PNPT1: variants seen among roughly 807,000 people sequenced by gnomAD.
PNPT1 encodes polyribonucleotide nucleotidyltransferase 1.
Under a neutral mutation model 119.5 loss-of-function variants are expected in PNPT1, and 53 were observed. The observed-to-expected ratio is 0.44, with a 90% confidence interval of 0.36 to 0.56. The LOEUF is 0.56. Among genes scored for constraint, PNPT1 ranks in the 20% least tolerant of loss-of-function variants. PNPT1 has a pLI of 0.00. For missense variants in PNPT1, 948 were observed against 938.5 expected, an observed-to-expected ratio of 1.01 and a Z score of -0.13; for synonymous variants, 357 against 322.1, an observed-to-expected ratio of 1.11 and a Z score of -1.16.
intron 14 of PNPT1, among the ~76,000 whole-genome samples, chr2:55,660,538 T>C (rs1696531380): frequency 6.6e-6 from 1 of 152,214 alleles, no homozygotes; most frequent in Non-Finnish European, 1.5e-5. Flanking sequence ...ATCTCAGAGC[T>C]ACAATGCTTC....
chr2:55,658,693 C>G (rs1696467845), intron 15 of PNPT1, among the ~76,000 whole-genome samples: 1 of 152,156 alleles, frequency 6.6e-6, no homozygotes, highest in African/African-American at 2.4e-5. Flanking sequence ...TGACAAAGAA[C>G]CTGCTTTACT....
At position 55,693,692 on chromosome 2, in the gene PNPT1, A is replaced by C. The variant is rs751582727; in HGVS notation, c.132T>G (p.Ser44=). Residue 44 remains serine (S), a synonymous_variant, in exon 1 of 28, where the codon TCT becomes TCG. Transcript: ENST00000447944. ...QVRALWSSAG[S]RAVAVDLGNR... ...TGCCTAAGTCCACGGCCACAGCTCG[A>C]GACCCTGCGCTACTCCATAGTGCTC... 5.0e-6 allele frequency: 8 copies of C among 1,614,128 alleles called. No individual in the cohort carries two copies. The highest frequency in any genetic ancestry group is 1.7e-5 in the Admixed American group (1 of 60,006).
At chr2:55,681,899 T>C (rs2104161825) in intron 5 of PNPT1, among the ~76,000 whole-genome samples, 1 of 149,616 alleles carries the variant, frequency 6.7e-6, no homozygotes, top group East Asian at 2.0e-4. Flanking sequence ...CCCAGCATGT[T>C]GGGAGGCTGA....
Position 55,667,968 on chromosome 2 carries a change from A to C in PNPT1, c.977-10T>G. The C allele has an allele frequency of 5.7e-6, 9 of 1,572,580 alleles. No individual in the cohort carries two copies. The highest frequency in any genetic ancestry group is 7.7e-6 in the Non-Finnish European group (9 of 1,167,364). ...GCTTCTGGAAATTTTTCTATAGAAAAAAGACAAACCAAAACAAAGATTTTT... is the reference window on the plus strand; with the variant it reads ...GCTTCTGGAAATTTTTCTATAGAAACAAGACAAACCAAAACAAAGATTTTT... On this transcript the variant is annotated splice_polypyrimidine_tract_variant and intron_variant, in intron 11 of 27. Coordinates refer to ENST00000447944, the MANE Select transcript of PNPT1 (RefSeq NM_033109.5).
rs1256304661 is a variant in PNPT1, at chr2:55,662,015, G to A, written c.1188C>T (p.Thr396=). 12 of 1,566,240 alleles carry A rather than the reference G, an allele frequency of 7.7e-6. No homozygotes were observed. Among genetic ancestry groups the A allele is most frequent in the Middle Eastern group, 1.7e-4 (1 of 5,922 alleles). Residue 396 remains threonine (T), a synonymous_variant, in exon 14 of 28, where the codon ACC becomes ACT. Transcript: ENST00000447944. ...FQRGQTQVLC[T]VTFDSLESGI... ...CAGATTCTAATGAATCAAATGTAAC[G>A]GTACAAAGCACCTAAAAAAGAAAAA...
intron 18 of PNPT1, among the ~76,000 whole-genome samples, chr2:55,650,432 C>A (rs760482899): frequency 6.6e-6 from 1 of 152,214 alleles, no homozygotes; most frequent in Admixed American, 6.5e-5. Context: ...GACGGAGTCT[C>A]GTTCACTCCA....
intron 3 of PNPT1, among the ~76,000 whole-genome samples, chr2:55,685,885 A>G (rs1373765591): frequency 6.6e-6 from 1 of 152,206 alleles, no homozygotes; most frequent in Non-Finnish European, 1.5e-5. Flanking sequence ...ATAATCCTTA[A>G]TACAATGTAA....
intron 25 of PNPT1, among the ~76,000 whole-genome samples, chr2:55,641,459 G>C (rs977223486): frequency 2.0e-5 from 3 of 151,544 alleles, no homozygotes; most frequent in Non-Finnish European, 4.4e-5. Flanking sequence ...AGTAGAGATG[G>C]GGTTTCACGA....
chr2:55,670,106 T>C (rs950429339), intron 11 of PNPT1, among the ~76,000 whole-genome samples: 2 of 151,680 alleles, frequency 1.3e-5, no homozygotes, highest in African/African-American at 4.8e-5. Flanking sequence ...TATTTGTCTA[T>C]TAGAAAAATT....
rs559702823 is a variant in PNPT1 at position 55,642,245 on chromosome 2, G to T, written c.2069+913C>A. 2.0e-5 allele frequency among the ~76,000 whole-genome samples: 3 copies of T among 151,982 alleles called. No individual in the cohort carries two copies. The South Asian group carries it at 6.2e-4, about 32-fold the overall frequency. Reference sequence around the variant, plus strand: ...AAGAAATATTGCTAAGTCTATTTTGGGCCTATTTAATATTTACTGGGAAAA... The same window carrying T: ...AAGAAATATTGCTAAGTCTATTTTGTGCCTATTTAATATTTACTGGGAAAA... On this transcript the variant is annotated intron_variant, in intron 25 of 27. Transcript: ENST00000447944.
intron 4 of PNPT1, among the ~76,000 whole-genome samples, chr2:55,684,373 C>A (rs1370044166): frequency 6.6e-6 from 1 of 151,958 alleles, no homozygotes; most frequent in Non-Finnish European, 1.5e-5. Flanking sequence ...ACCTGTAATC[C>A]CAATCACTTG....
chr2:55,679,863 C>A, intron 7 of PNPT1, 68 bp from the exon 8 acceptor site: 1 of 1,074,576 alleles, frequency 9.3e-7, no homozygotes. Flanking sequence ...TTATTCCAGT[C>A]ATGGCTTCAA....
Position 55,693,805 on chromosome 2 carries a change from A to T in PNPT1, c.19T>A (p.Cys7Ser). The T allele has an allele frequency of 6.2e-7, 1 of 1,613,836 alleles. No homozygotes were observed. The highest frequency in any genetic ancestry group is 8.5e-7 in the Non-Finnish European group (1 of 1,180,040). MAACRY[C>S]CSCLRLRPLS... is the part of the protein sequence containing the mutation. The stretch of plus-strand genomic sequence containing the variant: ...GGCCGGAGCCGGAGGCACGAGCAGC[A>T]GTACCTGCAGGCCGCCATGACACCC... Residue 7 changes from cysteine (C) to serine (S), a missense_variant, in exon 1 of 28, where the codon TGC (cysteine) becomes AGC (serine). By Grantham distance (112) the Cys-to-Ser change is moderately radical (BLOSUM62 -1). Transcript: ENST00000447944.
At chr2:55,637,745 C>A in intron 26 of PNPT1, 146 bp from the exon 27 acceptor site, 1 of 661,916 alleles carries the variant, frequency 1.5e-6, no homozygotes, top group Non-Finnish European at 2.6e-6. Context: ...GCCTGTAATT[C>A]CAGCACTTTG....
intron 1 of PNPT1, among the ~76,000 whole-genome samples, chr2:55,688,425 C>G (rs1697487777): frequency 6.6e-6 from 1 of 151,978 alleles, no homozygotes; most frequent in Non-Finnish European, 1.5e-5. Flanking sequence ...GATTGTTTCC[C>G]TACTTAAAAA....
At chr2:55,649,538 A>T (rs1056793539) in intron 18 of PNPT1, among the ~76,000 whole-genome samples, 1 of 152,194 alleles carries the variant, frequency 6.6e-6, no homozygotes, top group Non-Finnish European at 1.5e-5. Flanking sequence ...TGCCCTGGCA[A>T]CAATCTCCCT....
At chr2:55,644,581 A>C in intron 23 of PNPT1, 56 bp downstream of exon 23, 1 of 1,333,548 alleles carries the variant, frequency 7.5e-7, no homozygotes, top group Non-Finnish European at 1.1e-6. Context: ...ATGAAATAGC[A>C]AACTTTTATG....
At chr2:55,689,433 T>C (rs1697521009) in intron 1 of PNPT1, among the ~76,000 whole-genome samples, 1 of 152,222 alleles carries the variant, frequency 6.6e-6, no homozygotes, top group Non-Finnish European at 1.5e-5. Flanking sequence ...TTATTCATAA[T>C]AGTTCCCAAA....
intron 1 of PNPT1, among the ~76,000 whole-genome samples, chr2:55,692,498 G>A (rs1248291544): frequency 6.6e-6 from 1 of 152,024 alleles, no homozygotes; most frequent in African/African-American, 2.4e-5. Flanking sequence ...TTTATTCTAA[G>A]AACGATTAAA....
Sources: gnomAD v4.1 joint callset for allele counts (sites outside exome capture counted in the v4.1 genomes callset) on GRCh38, gnomAD v4.1.1 for gene constraint, MANE v1.5 for transcripts, NCBI Gene and HGNC (gene_info 2026-07-23, HGNC 2026-07-21) for gene names.